CEP41: variants seen among roughly 807,000 people sequenced by gnomAD.
CEP41 encodes centrosomal protein 41.
In CEP41, 32 loss-of-function variants were observed where a neutral mutation model predicts 44.3. The ratio of observed to expected loss-of-function variants is 0.72; its 90% CI spans 0.54 to 0.97. The LOEUF is 0.97. Among genes scored for constraint, CEP41 ranks in the 50% least tolerant of loss-of-function variants. The pLI, the probability that CEP41 is intolerant of heterozygous loss-of-function variation, is 0.00. For synonymous variants in CEP41, 151 were observed against 168.5 expected, an observed-to-expected ratio of 0.90 and a Z score of 0.80; for missense variants, 432 against 455.2, an observed-to-expected ratio of 0.95 and a Z score of 0.46.
rs782049938 is a variant in CEP41, at chr7:130,397,520, T to A, written c.*1371A>T. 2.3e-5 allele frequency: 9 copies of A among 395,614 alleles called. No individual in the cohort carries two copies. The highest frequency in any genetic ancestry group is 9.8e-5 in the South Asian group (5 of 51,074). The allele number at this position is 395,614 out of a possible 1,614,324, so 24.5% of individuals were successfully genotyped here. ...TACTGTGGTGCATTTTTTTTTTTTTTTTTTTTTTTTTTTGGTGGCGAGAAA... is the reference window on the plus strand; with the variant it reads ...TACTGTGGTGCATTTTTTTTTTTTTATTTTTTTTTTTTTGGTGGCGAGAAA... On this transcript the variant is annotated 3_prime_UTR_variant, in exon 11 of 11. Coordinates refer to ENST00000223208, the MANE Select transcript of CEP41 (RefSeq NM_018718.3).
intron 8 of CEP41, 160 bp from the exon 9 acceptor site, chr7:130,400,981 C>G: frequency 6.2e-6 from 4 of 642,078 alleles, no homozygotes; most frequent in Non-Finnish European, 1.1e-5. Flanking sequence ...GGATGGTTTC[C>G]CATCATGGAA....
chr7:130,417,158 G>A (rs1292904027), intron 2 of CEP41, 192 bp from the exon 3 acceptor site: 27 of 1,397,406 alleles, frequency 1.9e-5, no homozygotes, highest in African/African-American at 1.2e-4. Flanking sequence ...TTGCAGAGCC[G>A]AGGGAAATGT....
At position 130,398,223 on chromosome 7, in the gene CEP41, C is replaced by T. The variant is rs1393221107; in HGVS notation, c.*668G>A. 6.6e-6 allele frequency: 3 copies of T among 454,094 alleles called. No homozygotes were observed. Among genetic ancestry groups the T allele is most frequent in the Admixed American group, 4.7e-5 (2 of 42,576 alleles). The allele number at this position is 454,094 out of a possible 1,614,324, so 28.1% of individuals were successfully genotyped here. On this transcript the variant is annotated 3_prime_UTR_variant, in exon 11 of 11. Transcript: ENST00000223208. ...ACCCACATGCATACCTTTCTGGCTC[C>T]AGGAAATATCTAGTAAGGGGGAGCA...
At chr7:130,418,083 A>ATTGTT (rs2117631609) in intron 2 of CEP41, among the ~76,000 whole-genome samples, 1 of 152,212 alleles carries the variant, frequency 6.6e-6, no homozygotes, top group South Asian at 2.1e-4. Context: ...AAAATCCACC[A>ATTGTT]TTGTTTTCTT....
At chr7:130,441,194 G>A (rs965366654), upstream of CEP41, 5 of 677,488 alleles carry the variant, frequency 7.4e-6, no homozygotes, top group Admixed American at 6.1e-5. Flanking sequence ...GCCGGCTAGC[G>A]AGGCCTTTTG....
chr7:130,420,808 A>G, intron 2 of CEP41: 2 of 667,964 alleles, frequency 3.0e-6, no homozygotes, highest in Non-Finnish European at 3.7e-6. Flanking sequence ...AAAAATACAC[A>G]TTTGCTGAAT....
chr7:130,400,333 C>T (rs1465526593), intron 9 of CEP41, 79 bp from the exon 10 acceptor site: 24 of 955,324 alleles, frequency 2.5e-5, no homozygotes, highest in Non-Finnish European at 3.8e-5. Context: ...GCCTGCATGT[C>T]TTCTAATCTC....
Position 130,400,062 on chromosome 7 carries a change from T to A in CEP41, c.950A>T (p.Glu317Val). 6.2e-7 allele frequency: 1 copy of A among 1,610,536 alleles called. No individual in the cohort carries two copies. Among genetic ancestry groups the A allele is most frequent in the Non-Finnish European group, 8.5e-7 (1 of 1,177,840 alleles). Residue 317 changes from glutamate (E) to valine (V), a missense_variant, in exon 10 of 11, where the codon GAG becomes GTG. Coordinates refer to ENST00000223208, the MANE Select transcript of CEP41 (RefSeq NM_018718.3). ...ACTAGGATGATCTGCAGGCCCTTGC[T>A]CCTCTTCCAGATAATATTCTATCTT... is the stretch of plus-strand genomic sequence containing the variant. ...LKKIEYYLEE[E>V]QGPADHPSRL... is the part of the protein sequence containing the mutation.
At chr7:130,424,180 T>C (rs1446245255) in intron 2 of CEP41, among the ~76,000 whole-genome samples, 2 of 152,070 alleles carry the variant, frequency 1.3e-5, no homozygotes, top group Non-Finnish European at 2.9e-5. Flanking sequence ...GTGGATCACT[T>C]GAGGTCAGAC....
At chr7:130,432,245 TTAAGGAAG>T (rs1554425264) in intron 1 of CEP41, among the ~76,000 whole-genome samples, 2 of 152,080 alleles carry the variant, frequency 1.3e-5, no homozygotes, top group African/African-American at 4.8e-5. Flanking sequence ...ATCTGTAGTC[TTAAGGAAG>T]TAAGGAAGTG....
rs1054291089 is a variant in CEP41, at chr7:130,397,760, A to G, written c.*1131T>C. 1 of 449,226 alleles carries G rather than the reference A, an allele frequency of 2.2e-6. No individual in the cohort carries two copies. 27.8% of individuals were successfully genotyped at this position (449,226 alleles called of 1,614,324 possible). A position where few individuals can be genotyped will look rare whatever the true frequency, so the allele number is the denominator to read the frequency against. On this transcript the variant is annotated 3_prime_UTR_variant, in exon 11 of 11. Transcript: ENST00000223208. ...CTTACCTGAGGCCTTTTGTTCCCCC[A>G]ATTAAATGGAATGAATGTCAGTCAT...
intron 1 of CEP41, among the ~76,000 whole-genome samples, chr7:130,428,877 C>T (rs562717742): frequency 2.8e-4 from 43 of 151,844 alleles, no homozygotes; most frequent in African/African-American, 9.9e-4. Flanking sequence ...TGCCACTGCA[C>T]TCCAGCCTGG....
upstream of CEP41, chr7:130,441,318 G>A (rs528730350): frequency 1.1e-5 from 5 of 453,456 alleles, no homozygotes; most frequent in Non-Finnish European, 2.0e-5. Flanking sequence ...CTTGAGAGCC[G>A]GGACAAAACA....
chr7:130,400,592 GC>G, intron 9 of CEP41, 114 bp downstream of exon 9: 2 of 767,930 alleles, frequency 2.6e-6, no homozygotes, highest in Non-Finnish European at 4.6e-6. Flanking sequence ...AGCCAGCATG[GC>G]TTTTTCTCTT....
chr7:130,436,594 A>G (rs1554426200), intron 1 of CEP41, among the ~76,000 whole-genome samples: 1 of 104,836 alleles, frequency 9.5e-6, no homozygotes, highest in South Asian at 3.2e-4. Context: ...CATGTAAAAT[A>G]TAATCATTGG....
chr7:130,428,452 AAG>A, intron 1 of CEP41, among the ~76,000 whole-genome samples: 1 of 149,922 alleles, frequency 6.7e-6, no homozygotes, highest in African/African-American at 2.4e-5. Context: ...AAAAAAAAAA[AAG>A]ATGGAATGAG....
At chr7:130,441,083 C>G (rs571410692), upstream of CEP41, 38 of 1,212,196 alleles carry the variant, frequency 3.1e-5, no homozygotes, top group Non-Finnish European at 4.6e-5. Context: ...CCGATTGGCC[C>G]GTCTTCCCCG....
intron 1 of CEP41, among the ~76,000 whole-genome samples, chr7:130,436,865 C>A (rs918001683): frequency 6.6e-6 from 1 of 151,952 alleles, no homozygotes; most frequent in South Asian, 2.1e-4. Flanking sequence ...GGTAAAACCC[C>A]GTCTCTACTA....
At position 130,411,160 on chromosome 7, in the gene CEP41, G is replaced by T. The variant is rs782093879; in HGVS notation, c.239C>A (p.Thr80Lys). 1 of 1,614,050 alleles carries T rather than the reference G, an allele frequency of 6.2e-7. No homozygotes were observed. Among genetic ancestry groups the T allele is most frequent in the Non-Finnish European group, 8.5e-7 (1 of 1,179,932 alleles). ...IIQVASLSDQTLEVTAEEIQR... is the reference protein window; with the variant it reads ...IIQVASLSDQKLEVTAEEIQR... The stretch of plus-strand genomic sequence containing the variant: ...AATCTCCTCAGCTGTCACTTCCAGT[G>T]TTTGATCAGAGAGGGAAGCAACTTG... Residue 80 changes from threonine to lysine, a missense_variant, in exon 5 of 11, where the codon ACA (threonine) becomes AAA (lysine). Coordinates refer to ENST00000223208, the MANE Select transcript of CEP41 (RefSeq NM_018718.3).
Sources: gnomAD v4.1 joint callset for allele counts (sites outside exome capture counted in the v4.1 genomes callset) on GRCh38, gnomAD v4.1.1 for gene constraint, MANE v1.5 for transcripts, NCBI Gene and HGNC (gene_info 2026-07-23, HGNC 2026-07-21) for gene names.